GPC5: variants seen among roughly 807,000 people sequenced by gnomAD.
GPC5 encodes the protein glypican 5.
GPC5 carries 47 observed loss-of-function variants against 53.9 expected under a neutral mutation model. The ratio of observed to expected loss-of-function variants is 0.87; its 90% CI spans 0.69 to 1.11. GPC5 has a LOEUF of 1.11. Among genes scored for constraint, GPC5 ranks in the 50% most tolerant of loss-of-function variants. The pLI is 0.00. For missense variants in GPC5, 748 were observed against 713.1 expected, an observed-to-expected ratio of 1.05 and a Z score of -0.56; for synonymous variants, 286 against 263.3, an observed-to-expected ratio of 1.09 and a Z score of -0.84.
chr13:92,114,962 A>G (rs2041588808), intron 6 of GPC5, among the ~76,000 whole-genome samples: 1 of 152,186 alleles, frequency 6.6e-6, no homozygotes, highest in Non-Finnish European at 1.5e-5. Context: ...TGTTTCAAAT[A>G]TATTTCTTTT....
At chr13:91,760,349 C>T (rs2037383982) in intron 5 of GPC5, among the ~76,000 whole-genome samples, 2 of 152,106 alleles carry the variant, frequency 1.3e-5, no homozygotes, top group South Asian at 2.1e-4. Flanking sequence ...TGAAGTATAG[C>T]AGTGATCTGT....
chr13:92,018,873 C>A (rs1386814823), intron 6 of GPC5, among the ~76,000 whole-genome samples: 1 of 151,912 alleles, frequency 6.6e-6, no homozygotes, highest in Non-Finnish European at 1.5e-5. Context: ...TGAAACCCAA[C>A]ACAAAAACTA....
At chr13:91,601,686 A>G (rs747085632) in intron 2 of GPC5, among the ~76,000 whole-genome samples, 50 of 152,284 alleles carry the variant, frequency 3.3e-4, no homozygotes, top group Non-Finnish European at 6.8e-4. Context: ...TCTAAAGCCC[A>G]ATGATCTGTC....
chr13:91,698,260 C>T (rs1254478803), intron 3 of GPC5, among the ~76,000 whole-genome samples: 3 of 152,088 alleles, frequency 2.0e-5, no homozygotes, highest in African/African-American at 7.2e-5. Flanking sequence ...AATAGAGATT[C>T]AGCTGGTTGT....
chr13:91,919,258 A>G (rs2039687962), intron 6 of GPC5, among the ~76,000 whole-genome samples: 1 of 152,232 alleles, frequency 6.6e-6, no homozygotes, highest in African/African-American at 2.4e-5. Flanking sequence ...GGATTAGAAC[A>G]ATAGTTTCCA....
At chr13:92,129,849 C>G (rs1320500298) in intron 6 of GPC5, among the ~76,000 whole-genome samples, 1 of 151,966 alleles carries the variant, frequency 6.6e-6, no homozygotes, top group African/African-American at 2.4e-5. Flanking sequence ...GTCAAAACAT[C>G]TACTATAACT....
chr13:92,748,163 T>C (rs1238583185), intron 7 of GPC5, among the ~76,000 whole-genome samples: 1 of 151,970 alleles, frequency 6.6e-6, no homozygotes, highest in Non-Finnish European at 1.5e-5. Flanking sequence ...AATAGTATGT[T>C]GCCAGTTTGT....
At position 91,571,956 on chromosome 13, in the gene GPC5, CAT is replaced by C. The variant is rs1181001251; in HGVS notation, c.326-121226_326-121225del. Among the ~76,000 whole-genome samples the C allele has an allele frequency of 5.6e-4, 72 of 128,806 alleles. 7 individuals carry two copies. Among genetic ancestry groups the C allele is most frequent in the African/African-American group, 2.5e-3 (72 of 28,770 alleles). 84.5% of individuals were successfully genotyped at this position (128,806 alleles called of 152,430 possible). On this transcript the variant is annotated intron_variant, in intron 2 of 7. Transcript: ENST00000377067. Reference sequence around the variant, plus strand: ...ACACACATGTATATACATATACACACATATATGTATATATGTGTATATATGTA... The same window carrying C: ...ACACACATGTATATACATATACACACATATGTATATATGTGTATATATGTA...
chr13:92,013,007 C>G (rs1223224216), intron 6 of GPC5, among the ~76,000 whole-genome samples: 1 of 152,176 alleles, frequency 6.6e-6, no homozygotes, highest in African/African-American at 2.4e-5. Flanking sequence ...GCCTGTGACC[C>G]CGAAGCCCCA....
At chr13:92,145,123 T>G in intron 7 of GPC5, 134 bp downstream of exon 7, 1 of 856,424 alleles carries the variant, frequency 1.2e-6, no homozygotes, top group South Asian at 5.3e-5. Context: ...AATGAATCTA[T>G]TTTTGGTTTT....
chr13:91,516,770 C>G (rs374789409), intron 2 of GPC5, among the ~76,000 whole-genome samples: 3 of 152,194 alleles, frequency 2.0e-5, no homozygotes, highest in African/African-American at 7.2e-5. Context: ...AAACTTTTAT[C>G]TAGGCAGCCA....
chr13:92,065,785 T>C (rs1163179494), intron 6 of GPC5, among the ~76,000 whole-genome samples: 3 of 152,166 alleles, frequency 2.0e-5, no homozygotes, highest in Non-Finnish European at 4.4e-5. Flanking sequence ...GTTTTGTTTG[T>C]GATATTTAAA....
chr13:91,427,273 A>G (rs1879126716), intron 1 of GPC5, among the ~76,000 whole-genome samples: 1 of 152,188 alleles, frequency 6.6e-6, no homozygotes. Flanking sequence ...TGGAGAAGTC[A>G]CAGACACTCA....
intron 7 of GPC5, among the ~76,000 whole-genome samples, chr13:92,308,098 A>G (rs2139206326): frequency 6.6e-6 from 1 of 152,230 alleles, no homozygotes; most frequent in Non-Finnish European, 1.5e-5. Context: ...GGCTAAAAGT[A>G]TGGTTTGTGG....
At chr13:92,374,384 C>A (rs892475731) in intron 7 of GPC5, among the ~76,000 whole-genome samples, 1 of 152,128 alleles carries the variant, frequency 6.6e-6, no homozygotes, top group African/African-American at 2.4e-5. Context: ...GTAAATACTT[C>A]CAAAGTGACT....
At chr13:92,193,384 G>A (rs2042236915) in intron 7 of GPC5, among the ~76,000 whole-genome samples, 2 of 152,068 alleles carry the variant, frequency 1.3e-5, no homozygotes, top group Non-Finnish European at 2.9e-5. Flanking sequence ...TACAAATTCT[G>A]AACTCCATAT....
intron 7 of GPC5, among the ~76,000 whole-genome samples, chr13:92,757,415 G>GCA (rs1292830033): frequency 6.6e-6 from 1 of 152,138 alleles, no homozygotes; most frequent in African/African-American, 2.4e-5. Context: ...CAGGACATAG[G>GCA]CATGGGCAAG....
chr13:91,579,301 A>G (rs1363068445), intron 2 of GPC5, among the ~76,000 whole-genome samples: 1 of 152,084 alleles, frequency 6.6e-6, no homozygotes, highest in Non-Finnish European at 1.5e-5. Flanking sequence ...TGAAAACTCA[A>G]ATGTCCTCTT....
chr13:92,513,413 AAAC>A (rs1273057390), intron 7 of GPC5, among the ~76,000 whole-genome samples: 11 of 152,016 alleles, frequency 7.2e-5, no homozygotes, highest in Non-Finnish European at 7.4e-5. Flanking sequence ...GGAACTAAAT[AAAC>A]TTCTGTTCCT....
Sources: gnomAD v4.1 joint callset for allele counts (sites outside exome capture counted in the v4.1 genomes callset) on GRCh38, gnomAD v4.1.1 for gene constraint, MANE v1.5 for transcripts, NCBI Gene and HGNC (gene_info 2026-07-23, HGNC 2026-07-21) for gene names.